The following DOCK5 variants were observed in gnomAD, a reference collection of about 807,000 sequenced individuals.
DOCK5 encodes dedicator of cytokinesis protein 5.
Under a neutral mutation model 251.8 loss-of-function variants are expected in DOCK5, and 142 were observed. That is an observed-to-expected ratio of 0.56 (90% CI 0.49 to 0.65). The LOEUF (loss-of-function observed/expected upper bound fraction) is 0.65, where lower values mean the gene tolerates loss of function less well. Among genes scored for constraint, DOCK5 ranks in the 30% least tolerant of loss-of-function variants. The probability of loss-of-function intolerance (pLI) is 0.00; values close to 1 mark genes in which losing one functional copy is unlikely to be tolerated. For missense variants in DOCK5, 2,111 were observed against 2,312.3 expected (o/e 0.91, Z 1.79); for synonymous variants, 842 against 835.5 (o/e 1.01, Z -0.13).
intron 1 of DOCK5, among the ~76,000 whole-genome samples, chr8:25,226,461 G>A (rs979002241): frequency 2.6e-5 from 4 of 151,176 alleles, no homozygotes; most frequent in African/African-American, 9.7e-5. Context: ...ACGGGGTTTC[G>A]CCATGTTGGC....
intron 28 of DOCK5, among the ~76,000 whole-genome samples, chr8:25,361,197 T>G (rs1800672513): frequency 6.6e-6 from 1 of 152,042 alleles, no homozygotes; most frequent in Non-Finnish European, 1.5e-5. Context: ...AAATAGAGAG[T>G]CTGTATCTGA....
At position 25,335,284 on chromosome 8, in the gene DOCK5, C is replaced by T. The variant is rs370550030; in HGVS notation, c.2193-955C>T. Among the ~76,000 whole-genome samples the T allele has an allele frequency of 1.2e-4, 18 of 152,278 alleles. No individual in the cohort carries two copies. The South Asian group carries it at 3.5e-3, about 30-fold the overall frequency. ...AGCCTCACATCCAGGTGGGCAATAG[C>T]TACAAATGAGGAAATCCCATCACTG... On this transcript the variant is annotated intron_variant, in intron 21 of 51. Transcript: ENST00000276440.
intron 1 of DOCK5, among the ~76,000 whole-genome samples, chr8:25,209,169 G>GTGGGCGTCTAATCAAGAGAGA (rs1802072138): frequency 3.0e-5 from 3 of 99,752 alleles, no homozygotes; most frequent in East Asian, 2.5e-4. Context: ...AGGAGGCTCA[G>GTGGGCGTCTAATCAAGAGAGA]AGCACATTAG....
intron 6 of DOCK5, among the ~76,000 whole-genome samples, chr8:25,296,063 G>A (rs1003826752): frequency 4.6e-5 from 7 of 152,024 alleles, no homozygotes; most frequent in Non-Finnish European, 7.4e-5. Flanking sequence ...CAAGTAATCC[G>A]CCCACCTCAG....
At chr8:25,302,245 G>T in intron 9 of DOCK5, 80 bp from the exon 10 acceptor site, 2 of 1,485,546 alleles carry the variant, frequency 1.3e-6, no homozygotes, top group Admixed American at 2.4e-5. Flanking sequence ...GGATTTTGTT[G>T]TAGAGGGTAA....
chr8:25,270,888 C>T (rs1311148334), intron 3 of DOCK5: 3 of 683,050 alleles, frequency 4.4e-6, no homozygotes, highest in Middle Eastern at 2.8e-4. Flanking sequence ...TGCATTTCCT[C>T]CCGTGTACTT....
intron 1 of DOCK5, among the ~76,000 whole-genome samples, chr8:25,197,473 G>A (rs182148015): frequency 4.6e-5 from 7 of 151,436 alleles, no homozygotes; most frequent in East Asian, 1.9e-4. Context: ...CAAATGTGCC[G>A]TTTGCTCTCA....
chr8:25,214,701 T>C (rs536967841), intron 1 of DOCK5, among the ~76,000 whole-genome samples: 1 of 152,258 alleles, frequency 6.6e-6, no homozygotes, highest in South Asian at 2.1e-4. Context: ...GGGAATAGTC[T>C]TATCGATTCA....
chr8:25,356,247 A>G (rs1800567227), intron 27 of DOCK5, among the ~76,000 whole-genome samples: 1 of 152,226 alleles, frequency 6.6e-6, no homozygotes, highest in African/African-American at 2.4e-5. Flanking sequence ...TGTCAGACTT[A>G]GTGGACACAT....
intron 2 of DOCK5, among the ~76,000 whole-genome samples, chr8:25,253,957 G>C (rs1803343708): frequency 6.6e-6 from 1 of 152,200 alleles, no homozygotes; most frequent in African/African-American, 2.4e-5. Flanking sequence ...GAAGAACAAA[G>C]TTGGAGGACT....
At chr8:25,219,060 C>T (rs531326046) in intron 1 of DOCK5, among the ~76,000 whole-genome samples, 12 of 152,180 alleles carry the variant, frequency 7.9e-5, no homozygotes, top group East Asian at 3.9e-4. Context: ...TGTGATTCAT[C>T]GGTTTTAGGC....
intron 28 of DOCK5, among the ~76,000 whole-genome samples, chr8:25,362,122 G>C (rs1253931514): frequency 2.0e-5 from 3 of 152,150 alleles, no homozygotes; most frequent in Admixed American, 1.3e-4. Context: ...CCACTGTTAC[G>C]ATCCATTTTG....
chr8:25,239,159 A>G (rs1372883072), intron 1 of DOCK5, among the ~76,000 whole-genome samples: 1 of 152,170 alleles, frequency 6.6e-6, no homozygotes, highest in Non-Finnish European at 1.5e-5. Context: ...CTCAGAATTT[A>G]GGGGAGAACA....
intron 2 of DOCK5, among the ~76,000 whole-genome samples, chr8:25,249,615 C>T (rs982139247): frequency 6.6e-6 from 1 of 152,136 alleles, no homozygotes. Context: ...CGCCCTCTCT[C>T]TTGCTCTGTT....
intron 27 of DOCK5, among the ~76,000 whole-genome samples, chr8:25,352,400 G>A (rs1248716166): frequency 6.6e-6 from 1 of 152,136 alleles, no homozygotes; most frequent in Non-Finnish European, 1.5e-5. Flanking sequence ...CCTGTGGTTA[G>A]CATGCTTGTG....
chr8:25,369,837 G>T (rs1158060176), intron 34 of DOCK5, among the ~76,000 whole-genome samples, 196 bp downstream of exon 34: 1 of 152,142 alleles, frequency 6.6e-6, no homozygotes, highest in Non-Finnish European at 1.5e-5. Flanking sequence ...GTCAAATGCT[G>T]GTATTTTCCT....
In DOCK5 at chr8:25,184,954, G is replaced by A; in HGVS notation, c.43+3G>A. 1.4e-6 allele frequency: 2 copies of A among 1,432,280 alleles called. No homozygotes were observed. Among genetic ancestry groups the A allele is most frequent in the Non-Finnish European group, 1.8e-6 (2 of 1,084,002 alleles). 88.7% of individuals were successfully genotyped at this position (1,432,280 alleles called of 1,614,324 possible). A position where few individuals can be genotyped will look rare whatever the true frequency, so the allele number is the denominator to read the frequency against. On this transcript the variant is annotated splice_donor_region_variant and intron_variant, in intron 1 of 51. Coordinates refer to ENST00000276440, the MANE Select transcript of DOCK5 (RefSeq NM_024940.8). Reference sequence around the variant, plus strand: ...CAAGAGGCAGAAGTACGGGGTTGGTGAGTGCGCGCCCCACCTTGTCCCGGC... The same window carrying A: ...CAAGAGGCAGAAGTACGGGGTTGGTAAGTGCGCGCCCCACCTTGTCCCGGC...
chr8:25,241,939 T>A (rs1802959917), intron 1 of DOCK5, among the ~76,000 whole-genome samples: 1 of 143,064 alleles, frequency 7.0e-6, no homozygotes, highest in Admixed American at 7.3e-5. Flanking sequence ...CACTCATAAG[T>A]GGGAGTTGAA....
Position 25,317,979 on chromosome 8 carries a change from A to G in DOCK5, c.1443+848A>G, listed in dbSNP as rs1451481481. On this transcript the variant is annotated intron_variant, in intron 14 of 51. Coordinates refer to ENST00000276440, the MANE Select transcript of DOCK5 (RefSeq NM_024940.8). ...AAGGATGAGTTATTGTCTCTGGGAA[A>G]CACAGGAGTTAGTGGCAGAGCTGGG... Among the ~76,000 whole-genome samples the G allele has an allele frequency of 2.0e-5, 3 of 152,204 alleles. No individual in the cohort carries two copies. In the East Asian group the frequency reaches 5.8e-4, roughly 29 times the overall value.
Sources: gnomAD v4.1 joint callset for allele counts (sites outside exome capture counted in the v4.1 genomes callset) on GRCh38, gnomAD v4.1.1 for gene constraint, MANE v1.5 for transcripts, NCBI Gene and HGNC (gene_info 2026-07-23, HGNC 2026-07-21) for gene names.